The following XRCC4 variants were observed in gnomAD, a reference collection of about 807,000 sequenced individuals.
XRCC4 encodes the protein DNA repair protein XRCC4.
In XRCC4, 28 loss-of-function variants were observed where a neutral mutation model predicts 39.1. The observed-to-expected ratio is 0.72, with a 90% CI of 0.53 to 0.98. The LOEUF (loss-of-function observed/expected upper bound fraction) is 0.98, where lower values mean the gene tolerates loss of function less well. XRCC4 is among the 50% of genes least tolerant of loss of function. XRCC4 has a pLI of 0.00. For missense variants in XRCC4, 350 were observed against 376.4 expected, an observed-to-expected ratio of 0.93 and a Z score of 0.58; for synonymous variants, 123 against 126.4, an observed-to-expected ratio of 0.97 and a Z score of 0.18.
chr5:83,129,473 C>T lies in XRCC4; in HGVS notation c.315+18270C>T, dbSNP rs543353964. 2.0e-5 allele frequency among the ~76,000 whole-genome samples: 3 copies of T among 152,014 alleles called. No homozygotes were observed. In the South Asian group the frequency reaches 6.3e-4, roughly 32 times the overall value. On this transcript the variant is annotated intron_variant, in intron 3 of 7. Coordinates refer to ENST00000396027, the MANE Select transcript of XRCC4 (RefSeq NM_003401.5). ...TGGCAATGCGGGCCCTTTTTTGGTT[C>T]CATATGAACTTTAAAGTAGTTTTTT...
chr5:83,344,273 G>A (rs371724004), intron 7 of XRCC4, among the ~76,000 whole-genome samples: 54 of 151,862 alleles, frequency 3.6e-4, no homozygotes, highest in Middle Eastern at 3.4e-3. Context: ...GTCTCACTCT[G>A]TCACCCAGGC....
At chr5:83,359,702 GAGA>G in the XRCC4 span, among the ~76,000 whole-genome samples, 1 of 152,134 alleles carries the variant, frequency 6.6e-6, no homozygotes, top group Non-Finnish European at 1.5e-5. Flanking sequence ...ACATTCTCCA[GAGA>G]AGATTTCAAT....
chr5:83,082,105 T>C (rs1217304451), intron 1 of XRCC4, among the ~76,000 whole-genome samples: 3 of 152,226 alleles, frequency 2.0e-5, no homozygotes, highest in African/African-American at 7.2e-5. Context: ...GATCATCTCT[T>C]GCTCAGATTT....
intron 7 of XRCC4, among the ~76,000 whole-genome samples, chr5:83,305,450 A>G (rs948739379): frequency 5.3e-5 from 8 of 152,140 alleles, no homozygotes; most frequent in Non-Finnish European, 1.2e-4. Context: ...TTTAAGATGT[A>G]TAATTTAAAT....
chr5:83,172,979 A>T (rs1328090992), intron 3 of XRCC4, among the ~76,000 whole-genome samples: 1 of 152,166 alleles, frequency 6.6e-6, no homozygotes, highest in Non-Finnish European at 1.5e-5. Context: ...TTGTGTTCTA[A>T]CAACAGTCAC....
At chr5:83,161,926 G>A (rs755434516) in intron 3 of XRCC4, among the ~76,000 whole-genome samples, 9 of 152,120 alleles carry the variant, frequency 5.9e-5, no homozygotes, top group Non-Finnish European at 1.3e-4. Context: ...AGCATTTTGG[G>A]AGGCCAAGGC....
chr5:83,249,164 A>C (rs1753218406), intron 6 of XRCC4, among the ~76,000 whole-genome samples: 1 of 152,156 alleles, frequency 6.6e-6, no homozygotes, highest in African/African-American at 2.4e-5. Context: ...AAACCTTTAC[A>C]GAATTGTTAT....
At chr5:83,231,230 T>A (rs1443210192) in intron 6 of XRCC4, among the ~76,000 whole-genome samples, 1 of 152,056 alleles carries the variant, frequency 6.6e-6, no homozygotes, top group Non-Finnish European at 1.5e-5. Context: ...ATTTGCATCC[T>A]ATGGAGCACA....
At chr5:83,133,836 G>A (rs72767149) in intron 3 of XRCC4, among the ~76,000 whole-genome samples, 9,533 of 152,258 alleles carry the variant, frequency 0.063, 493 homozygotes, top group African/African-American at 0.14. Context: ...TGGCCTTGTC[G>A]TCTGCTCTGG....
the XRCC4 span, among the ~76,000 whole-genome samples, chr5:83,374,441 G>C: frequency 6.6e-6 from 1 of 152,186 alleles, no homozygotes; most frequent in Non-Finnish European, 1.5e-5. Flanking sequence ...ATGGAACCCT[G>C]AGTCAATTAA....
intron 6 of XRCC4, among the ~76,000 whole-genome samples, chr5:83,206,819 A>G (rs1046351103): frequency 3.9e-5 from 6 of 152,208 alleles, no homozygotes; most frequent in Non-Finnish European, 7.4e-5. Flanking sequence ...AGGGACAAGT[A>G]GTAGATTAGT....
intron 7 of XRCC4, among the ~76,000 whole-genome samples, chr5:83,301,938 C>T (rs943766547): frequency 6.6e-6 from 1 of 152,116 alleles, no homozygotes. Context: ...GTCTGTATAT[C>T]TATTTTGGTA....
chr5:83,183,777 A>G (rs1750311478), intron 3 of XRCC4, among the ~76,000 whole-genome samples: 1 of 152,314 alleles, frequency 6.6e-6, no homozygotes, highest in South Asian at 2.1e-4. Flanking sequence ...AGAAAATTCA[A>G]TTAAACGCAT....
intron 6 of XRCC4, among the ~76,000 whole-genome samples, chr5:83,220,884 C>G (rs1752056740): frequency 6.6e-6 from 1 of 152,066 alleles, no homozygotes; most frequent in Non-Finnish European, 1.5e-5. Flanking sequence ...ATTGTTGATC[C>G]TTTCTGCGAA....
At chr5:83,138,120 G>A (rs1747987752) in intron 3 of XRCC4, among the ~76,000 whole-genome samples, 1 of 152,216 alleles carries the variant, frequency 6.6e-6, no homozygotes, top group African/African-American at 2.4e-5. Flanking sequence ...CTGAATTGGT[G>A]TACTACATGA....
At chr5:83,346,661 G>T (rs982425548) in intron 7 of XRCC4, among the ~76,000 whole-genome samples, 8 of 152,106 alleles carry the variant, frequency 5.3e-5, no homozygotes, top group African/African-American at 1.4e-4. Context: ...ACAGTGAGCT[G>T]TTCATAGTGT....
chr5:83,120,013 A>AC (rs1171147118), intron 3 of XRCC4, among the ~76,000 whole-genome samples: 8 of 151,270 alleles, frequency 5.3e-5, no homozygotes, highest in African/African-American at 2.0e-4. Flanking sequence ...AAAAAAAAAA[A>AC]AACAATAACA....
At chr5:83,186,582 C>T (rs1750449095) in intron 3 of XRCC4, among the ~76,000 whole-genome samples, 1 of 152,078 alleles carries the variant, frequency 6.6e-6, no homozygotes, top group Non-Finnish European at 1.5e-5. Flanking sequence ...TAATCACATC[C>T]CTAAAGTCCT....
At chr5:83,327,676 A>T (rs1258472564) in intron 7 of XRCC4, among the ~76,000 whole-genome samples, 1 of 152,072 alleles carries the variant, frequency 6.6e-6, no homozygotes, top group Non-Finnish European at 1.5e-5. Context: ...GAAAAAGTTT[A>T]ATTTATTTCA....
Sources: allele counts gnomAD v4.1 joint callset (sites outside exome capture counted in the v4.1 genomes callset), GRCh38; gene constraint gnomAD v4.1.1; transcripts MANE v1.5; gene names NCBI Gene and HGNC (gene_info 2026-07-23, HGNC 2026-07-21).